FMR1NB: variants seen among roughly 807,000 people sequenced by gnomAD.
The protein encoded by FMR1NB is FMR1 neighbor, also known as FMR1 neighbor protein.
Under a neutral mutation model 16.8 loss-of-function variants are expected in FMR1NB, and 10 were observed. The observed-to-expected ratio is 0.60, with a 90% CI of 0.37 to 1.01. The LOEUF (loss-of-function observed/expected upper bound fraction) is 1.01. Ranked by LOEUF, FMR1NB falls within the 50% of genes least tolerant of loss-of-function variation. FMR1NB has a pLI of 0.01. For synonymous variants in FMR1NB, 83 were observed against 79.1 expected (o/e 1.05, Z -0.26); for missense variants, 205 against 204.8 (o/e 1.00, Z 0.00).
In FMR1NB at chrX:147,983,986, G is replaced by A. The variant is rs782560599; in HGVS notation, c.277+2307G>A. Among the ~76,000 whole-genome samples the A allele has an allele frequency of 4.5e-5, 5 of 111,734 alleles. No individual in the cohort carries two copies. In the South Asian group the frequency reaches 1.5e-3, roughly 33 times the overall value. On this transcript the variant is annotated intron_variant, in intron 1 of 5. Coordinates refer to ENST00000370467, the MANE Select transcript of FMR1NB (RefSeq NM_152578.3). ...TTCCAGCACCACTTGTTGAAGAGAC[G>A]ATTTTTTCCTCTTGGCAGCCTTCTG... is the stretch of plus-strand genomic sequence containing the variant.
In FMR1NB at chrX:147,981,417, G is replaced by C. The variant is rs782132283; in HGVS notation, c.15G>C (p.Arg5Ser). The change falls in exon 1 of 6, where the codon AGG (arginine) becomes AGC (serine). Residue 5 changes from arginine (R) to serine (S), a missense_variant. Transcript: ENST00000370467. ...CACCCGGAGCCATGTCTTCACATAG[G>C]AGGAAAGCGAAGGGGAGGAATAGGA... MSSHRRKAKGRNRRS... is the reference protein window; with the variant it reads MSSHSRKAKGRNRRS... 9 of 1,210,466 alleles carry C rather than the reference G, an allele frequency of 7.4e-6. No homozygotes were observed. In the South Asian group the frequency reaches 1.6e-4, roughly 21 times the overall value.
intron 3 of FMR1NB, among the ~76,000 whole-genome samples, chrX:148,007,124 A>G (rs1557189206): frequency 2.7e-5 from 3 of 111,575 alleles, no homozygotes; most frequent in African/African-American, 9.8e-5. Flanking sequence ...GCTCTATGGA[A>G]CCCTCAATGG....
chrX:147,984,321 C>T (rs1557186902), intron 1 of FMR1NB, among the ~76,000 whole-genome samples: 1 of 112,049 alleles, frequency 8.9e-6, no homozygotes, highest in Non-Finnish European at 1.9e-5. Flanking sequence ...GCCATCTTAA[C>T]AATATTAGGG....
intron 1 of FMR1NB, among the ~76,000 whole-genome samples, chrX:147,994,508 A>G (rs1557188001): frequency 1.8e-5 from 2 of 112,640 alleles, no homozygotes; most frequent in Non-Finnish European, 3.7e-5. Context: ...TATCTAAAAC[A>G]CCAAAGTATT....
intron 1 of FMR1NB, among the ~76,000 whole-genome samples, chrX:147,986,838 A>G (rs1226400664): frequency 9.0e-6 from 1 of 111,366 alleles, no homozygotes; most frequent in African/African-American, 3.3e-5. Flanking sequence ...TTAAAGTAGT[A>G]TTTTCTAGTT....
chrX:147,989,398 C>G (rs1296785080), intron 1 of FMR1NB, among the ~76,000 whole-genome samples: 1 of 111,982 alleles, frequency 8.9e-6, no homozygotes, highest in African/African-American at 3.2e-5. Context: ...GGGCACCAGC[C>G]TGATGCCAGC....
Position 147,986,129 on chromosome X carries a change from G to A in FMR1NB, c.277+4450G>A, listed in dbSNP as rs782403792. ...TCATAAATGGCTTCTTTACAGAAGT[G>A]TCTGTTCCTATCCTACACCCACTTT... On this transcript the variant is annotated intron_variant, in intron 1 of 5. Transcript: ENST00000370467. Among the ~76,000 whole-genome samples the A allele has an allele frequency of 6.3e-5, 7 of 111,881 alleles. No homozygotes were observed. The South Asian group carries it at 2.6e-3, about 42-fold the overall frequency.
Position 147,992,815 on chromosome X carries a change from G to A in FMR1NB, c.278-10386G>A, listed in dbSNP as rs1169068778. On this transcript the variant is annotated intron_variant, in intron 1 of 5. Coordinates refer to ENST00000370467, the MANE Select transcript of FMR1NB (RefSeq NM_152578.3). Reference sequence around the variant, plus strand: ...CAGAGGCGCTCCCCACATCTCAGATGATGGGTGGCCGGGCAGAGACGCTCC... The same window carrying A: ...CAGAGGCGCTCCCCACATCTCAGATAATGGGTGGCCGGGCAGAGACGCTCC... Among the ~76,000 whole-genome samples the A allele has an allele frequency of 1.0e-3, 75 of 74,923 alleles. 5 individuals are homozygous for A. Among genetic ancestry groups the A allele is most frequent in the African/African-American group, 2.9e-3 (42 of 14,384 alleles). 65.1% of individuals were successfully genotyped at this position (74,923 alleles called of 115,157 possible).
chrX:147,990,429 T>C (rs940803552), intron 1 of FMR1NB, among the ~76,000 whole-genome samples: 10 of 111,909 alleles, frequency 8.9e-5, no homozygotes, highest in Non-Finnish European at 3.8e-5. Context: ...AGCTGTTCCT[T>C]TTCGGCCATC....
intron 4 of FMR1NB, among the ~76,000 whole-genome samples, chrX:148,018,980 A>C (rs1272569765): frequency 1.8e-5 from 2 of 111,987 alleles, no homozygotes. Context: ...ATTTACAAGA[A>C]AAAAACAAAC....
chrX:148,019,570 C>A (rs930876226), intron 4 of FMR1NB, among the ~76,000 whole-genome samples: 2 of 111,695 alleles, frequency 1.8e-5, no homozygotes, highest in Non-Finnish European at 3.8e-5. Flanking sequence ...TCCAGGTGTT[C>A]TAAGGGACTT....
At chrX:148,011,029 G>C (rs1557189570) in intron 4 of FMR1NB, among the ~76,000 whole-genome samples, 20 of 110,846 alleles carry the variant, frequency 1.8e-4, no homozygotes. Flanking sequence ...ACTTTGGGAG[G>C]CCAAGGCGGG....
In FMR1NB at chrX:148,011,885, A is replaced by G. The variant is rs187842544; in HGVS notation, c.632+3174A>G. Among the ~76,000 whole-genome samples the G allele has an allele frequency of 3.2e-3, 360 of 111,839 alleles. 2 individuals carry two copies. The highest frequency in any genetic ancestry group is 5.0e-3 in the Non-Finnish European group (268 of 53,238). On this transcript the variant is annotated intron_variant, in intron 4 of 5. Transcript: ENST00000370467. ...TTCTAGTGTGATATGAACCTGGTAC[A>G]CAGAGGACTCAAGCCGGTTTGAACT...
chrX:148,004,069 C>A (rs188092037), intron 2 of FMR1NB, among the ~76,000 whole-genome samples: 17 of 112,051 alleles, frequency 1.5e-4, no homozygotes, highest in Admixed American at 3.8e-4. Context: ...TTGAAAAAAT[C>A]TCTTTATGTT....
intron 4 of FMR1NB, among the ~76,000 whole-genome samples, chrX:148,010,579 A>T (rs1219661081): frequency 8.9e-6 from 1 of 112,081 alleles, no homozygotes; most frequent in Non-Finnish European, 1.9e-5. Context: ...ATAAAGAGAT[A>T]GATAAAATAT....
chrX:148,024,889 G>A lies in FMR1NB; in HGVS notation c.657G>A (p.Arg219=). Residue 219 remains arginine (R), a synonymous_variant, in exon 5 of 6, where the codon AGG becomes AGA. Coordinates refer to ENST00000370467, the MANE Select transcript of FMR1NB (RefSeq NM_152578.3). ...GCGAACCGGCCGATGATTTACAAAG[G>A]CAGGACAACAGAGTTGTAACGGGTT... is the stretch of plus-strand genomic sequence containing the variant. ...WRSEPADDLQ[R]QDNRVVTGLK... is the part of the protein sequence containing the mutation. The A allele has an allele frequency of 8.3e-7, 1 of 1,210,318 alleles. No homozygotes were observed. The highest frequency in any genetic ancestry group is 1.1e-6 in the Non-Finnish European group (1 of 894,613).
intron 3 of FMR1NB, 21 bp from the exon 4 acceptor site, chrX:148,008,597 A>G: frequency 3.4e-6 from 4 of 1,189,461 alleles, no homozygotes; most frequent in Non-Finnish European, 4.5e-6. Context: ...TGAAAGTAAC[A>G]GGATATAATT....
At chrX:147,996,211 T>A (rs1318602160) in intron 1 of FMR1NB, among the ~76,000 whole-genome samples, 1 of 112,138 alleles carries the variant, frequency 8.9e-6, no homozygotes, top group Non-Finnish European at 1.9e-5. Context: ...GATATTAAAT[T>A]TAAAATTGTA....
intron 3 of FMR1NB, 145 bp from the exon 4 acceptor site, chrX:148,008,473 G>T (rs1377672742): frequency 2.1e-6 from 1 of 472,842 alleles, no homozygotes; most frequent in African/African-American, 2.4e-5. Flanking sequence ...TTATAAAGTA[G>T]CAAGGATATT....
Sources: allele counts gnomAD v4.1 joint callset (sites outside exome capture counted in the v4.1 genomes callset), GRCh38; gene constraint gnomAD v4.1.1; transcripts MANE v1.5; gene names NCBI Gene and HGNC (gene_info 2026-07-23, HGNC 2026-07-21).